MCU: variants seen among roughly 807,000 people sequenced by gnomAD.
MCU encodes the protein calcium uniporter protein, mitochondrial.
In MCU, 12 loss-of-function variants were observed where a neutral mutation model predicts 45.2. The observed-to-expected ratio is 0.27, with a 90% CI of 0.17 to 0.43. The LOEUF is 0.43. Ranked by LOEUF, MCU falls within the 20% of genes least tolerant of loss-of-function variation. The pLI is 1.00. For missense variants in MCU, 324 were observed against 436.7 expected (o/e 0.74, Z 2.30); for synonymous variants, 160 against 165.1 (o/e 0.97, Z 0.24).
intron 1 of MCU, among the ~76,000 whole-genome samples, chr10:72,817,979 C>G (rs1844652217): frequency 6.6e-6 from 1 of 152,164 alleles, no homozygotes; most frequent in Admixed American, 6.5e-5. Flanking sequence ...AATATTTGGA[C>G]TTGCACTGTT....
chr10:72,789,734 T>C (rs553209367), intron 1 of MCU, among the ~76,000 whole-genome samples: 2 of 152,298 alleles, frequency 1.3e-5, no homozygotes, highest in South Asian at 2.1e-4. Flanking sequence ...CTCATTATTC[T>C]CCATCAAATT....
chr10:72,732,255 T>A (rs928861596), intron 1 of MCU, among the ~76,000 whole-genome samples: 1 of 152,248 alleles, frequency 6.6e-6, no homozygotes, highest in African/African-American at 2.4e-5. Flanking sequence ...CATTTTCAAA[T>A]TGGGTTGTCT....
At chr10:72,790,962 G>A (rs1176413051) in intron 1 of MCU, among the ~76,000 whole-genome samples, 1 of 152,162 alleles carries the variant, frequency 6.6e-6, no homozygotes, top group South Asian at 2.1e-4. Context: ...AATCTTGAAA[G>A]CCTTGCTCTA....
intron 4 of MCU, among the ~76,000 whole-genome samples, chr10:72,866,418 G>T (rs1212716621): frequency 1.3e-5 from 2 of 151,966 alleles, no homozygotes; most frequent in Non-Finnish European, 2.9e-5. Context: ...GTGTTTTTTT[G>T]TTTGTTTTTT....
At chr10:72,830,099 G>T (rs1844857424) in intron 1 of MCU, among the ~76,000 whole-genome samples, 1 of 152,194 alleles carries the variant, frequency 6.6e-6, no homozygotes, top group African/African-American at 2.4e-5. Context: ...TGTGGGCCGT[G>T]TGGTCTCTGT....
At chr10:72,751,046 G>C (rs1392792667) in intron 1 of MCU, among the ~76,000 whole-genome samples, 2 of 152,070 alleles carry the variant, frequency 1.3e-5, no homozygotes, top group Non-Finnish European at 2.9e-5. Context: ...TGTTGCCCAG[G>C]CTGGAATGCA....
intron 1 of MCU, among the ~76,000 whole-genome samples, chr10:72,820,715 C>G (rs1844698488): frequency 6.6e-6 from 1 of 152,056 alleles, no homozygotes; most frequent in African/African-American, 2.4e-5. Flanking sequence ...TTTGGCCAGG[C>G]TGGCCAGGCT....
chr10:72,836,754 A>C (rs1844961559), intron 2 of MCU, among the ~76,000 whole-genome samples: 1 of 152,240 alleles, frequency 6.6e-6, no homozygotes, highest in Admixed American at 6.5e-5. Context: ...AAATAAAAGC[A>C]CAAAATTATT....
At chr10:72,823,187 A>G (rs1274206440) in intron 1 of MCU, among the ~76,000 whole-genome samples, 2 of 152,236 alleles carry the variant, frequency 1.3e-5, no homozygotes, top group African/African-American at 2.4e-5. Flanking sequence ...TGGCAATAAA[A>G]AGGAATTAAG....
intron 1 of MCU, chr10:72,760,455 C>T (rs1784004511): frequency 1.3e-5 from 2 of 152,098 alleles, no homozygotes; most frequent in African/African-American, 4.8e-5. Context: ...GCACTTAACA[C>T]CAGGGCTTGT....
chr10:72,737,156 A>G (rs1393408250), intron 1 of MCU, among the ~76,000 whole-genome samples: 3 of 152,226 alleles, frequency 2.0e-5, no homozygotes, highest in Non-Finnish European at 4.4e-5. Context: ...ATACCATAGT[A>G]GTTGTGTAGT....
intron 1 of MCU, among the ~76,000 whole-genome samples, chr10:72,818,701 C>T (rs906755918): frequency 1.3e-5 from 2 of 151,920 alleles, no homozygotes; most frequent in Non-Finnish European, 2.9e-5. Context: ...ATTAGCCGGG[C>T]GTGGTGGTGC....
chr10:72,841,299 G>GA (rs199638558), intron 2 of MCU, among the ~76,000 whole-genome samples: 32 of 150,478 alleles, frequency 2.1e-4, no homozygotes, highest in South Asian at 1.9e-3. Flanking sequence ...ATAACTACCA[G>GA]AAAAAAAAAA....
chr10:72,737,668 C>T (rs771992523), intron 1 of MCU, among the ~76,000 whole-genome samples: 8 of 151,936 alleles, frequency 5.3e-5, no homozygotes, highest in Non-Finnish European at 7.4e-5. Context: ...TGCAGGTGCG[C>T]ACCACTATGC....
intron 1 of MCU, among the ~76,000 whole-genome samples, chr10:72,762,367 T>C (rs1843667899): frequency 6.6e-6 from 1 of 151,980 alleles, no homozygotes; most frequent in Non-Finnish European, 1.5e-5. Flanking sequence ...AAATCATTCC[T>C]AATGACAATA....
In MCU at chr10:72,746,211, C is replaced by T. The variant is rs564644369; in HGVS notation, c.150+53910C>T. ...TATTCGAATATAAGACTGTCTCATA[C>T]CAGCCACACTGGCGTTGCAGTAATT... On this transcript the variant is annotated intron_variant, in intron 1 of 7. Transcript: ENST00000373053. Among the ~76,000 whole-genome samples, 83 of 152,270 alleles carry T rather than the reference C, an allele frequency of 5.5e-4. 1 individual carries two copies. In the Middle Eastern group the frequency reaches 0.01, roughly 19 times the overall value.
intron 1 of MCU, among the ~76,000 whole-genome samples, chr10:72,747,281 A>C (rs746365287): frequency 1.5e-4 from 23 of 152,210 alleles, no homozygotes; most frequent in Non-Finnish European, 1.5e-5. Flanking sequence ...TAGATACTTA[A>C]TGCATTCTTG....
rs1471088872 is a variant in MCU at position 72,748,639 on chromosome 10, A to G, written c.150+56338A>G. Among the ~76,000 whole-genome samples the G allele has an allele frequency of 2.0e-5, 3 of 152,178 alleles. No individual in the cohort carries two copies. The East Asian group carries it at 5.8e-4, about 29-fold the overall frequency. On this transcript the variant is annotated intron_variant, in intron 1 of 7. Transcript: ENST00000373053. Reference sequence around the variant, plus strand: ...TGAGACCAGCCTAGGCAACATAGCAAGACCCTGTCTCTACAAATAATAAAT... The same window carrying G: ...TGAGACCAGCCTAGGCAACATAGCAGGACCCTGTCTCTACAAATAATAAAT...
intron 1 of MCU, among the ~76,000 whole-genome samples, chr10:72,786,985 A>G (rs920750915): frequency 2.6e-5 from 4 of 152,172 alleles, no homozygotes; most frequent in African/African-American, 9.7e-5. Context: ...AGCAAAGAAA[A>G]TTTATATATG....
Sources: gnomAD v4.1 joint callset for allele counts (sites outside exome capture counted in the v4.1 genomes callset) on GRCh38, gnomAD v4.1.1 for gene constraint, MANE v1.5 for transcripts, NCBI Gene and HGNC (gene_info 2026-07-23, HGNC 2026-07-21) for gene names.